The following MAGI1 variants were observed in gnomAD, a reference collection of about 807,000 sequenced individuals.
The protein encoded by MAGI1 is membrane associated guanylate kinase, WW and PDZ domain containing 1.
MAGI1 carries 58 observed loss-of-function variants against 139.9 expected under a neutral mutation model. The observed-to-expected ratio is 0.41, with a 90% CI of 0.34 to 0.52. The LOEUF (loss-of-function observed/expected upper bound fraction) is 0.52, where lower values mean the gene tolerates loss of function less well. MAGI1 is among the 20% of genes least tolerant of loss of function. The pLI is 0.12. For missense variants in MAGI1, 1,874 were observed against 1,901.6 expected, an observed-to-expected ratio of 0.99 and a Z score of 0.27; for synonymous variants, 812 against 737.9, an observed-to-expected ratio of 1.10 and a Z score of -1.63.
chr3:65,908,761 T>C (rs2061540396), intron 1 of MAGI1, among the ~76,000 whole-genome samples: 1 of 152,118 alleles, frequency 6.6e-6, no homozygotes, highest in Non-Finnish European at 1.5e-5. Context: ...AAAATGTGGA[T>C]CAGCCTTTCT....
intron 1 of MAGI1, among the ~76,000 whole-genome samples, chr3:65,992,173 G>T (rs1471385025): frequency 6.6e-6 from 1 of 152,148 alleles, no homozygotes; most frequent in Admixed American, 6.6e-5. Context: ...AGAAGTTGTA[G>T]GAGAATCAGA....
rs538396913 is a variant in MAGI1 at position 65,900,662 on chromosome 3, C to G, written c.313+137334G>C. Among the ~76,000 whole-genome samples the G allele has an allele frequency of 9.2e-5, 14 of 152,322 alleles. No individual in the cohort carries two copies. In the South Asian group the frequency reaches 2.7e-3, roughly 29 times the overall value. The stretch of plus-strand genomic sequence containing the variant: ...AAAAGGCAACTGTGGTGAACACCAC[C>G]AGGTTACCAGATGAATACCCTGTCT... On this transcript the variant is annotated intron_variant, in intron 1 of 22. Transcript: ENST00000402939.
chr3:65,570,073 C>CATTATT lies in MAGI1; in HGVS notation c.430+51893_430+51898dup, dbSNP rs57902043. Among the ~76,000 whole-genome samples the CATTATT allele has an allele frequency of 5.7e-3, 772 of 136,344 alleles. 2 individuals carry two copies. Among genetic ancestry groups the CATTATT allele is most frequent in the Middle Eastern group, 0.018 (5 of 272 alleles). The allele number at this position is 136,344 out of a possible 152,430, so 89.4% of individuals were successfully genotyped here. A position where few individuals can be genotyped will look rare whatever the true frequency, so the allele number is the denominator to read the frequency against. On this transcript the variant is annotated intron_variant, in intron 2 of 22. Transcript: ENST00000402939. The stretch of plus-strand genomic sequence containing the variant: ...CAGTGCTTCTTTCTTTCTTTATTAT[C>CATTATT]ATTATTATTATTATTATTATTATTA...
chr3:65,749,710 T>TCAA (rs67423926), intron 1 of MAGI1, among the ~76,000 whole-genome samples: 3 of 134,828 alleles, frequency 2.2e-5, no homozygotes, highest in Non-Finnish European at 4.7e-5. Flanking sequence ...TAGTCTGAGT[T>TCAA]AAAAAAAAAA....
At chr3:65,909,766 G>T (rs1400371494) in intron 1 of MAGI1, among the ~76,000 whole-genome samples, 2 of 152,108 alleles carry the variant, frequency 1.3e-5, no homozygotes, top group African/African-American at 4.8e-5. Context: ...TCAGGGATGT[G>T]GGGATTCCAA....
At position 65,943,882 on chromosome 3, in the gene MAGI1, A is replaced by G. The variant is rs1021635357; in HGVS notation, c.313+94114T>C. Among the ~76,000 whole-genome samples, 5 of 152,222 alleles carry G rather than the reference A, an allele frequency of 3.3e-5. No individual in the cohort carries two copies. The East Asian group carries it at 5.8e-4, about 18-fold the overall frequency. Reference sequence around the variant, plus strand: ...TTAACAACAGTACAAGTCATTAGATATCCTGCAATTAAGAAATATATTCAT... The same window carrying G: ...TTAACAACAGTACAAGTCATTAGATGTCCTGCAATTAAGAAATATATTCAT... On this transcript the variant is annotated intron_variant, in intron 1 of 22. Transcript: ENST00000402939.
At chr3:65,694,100 T>C (rs1366411940) in intron 1 of MAGI1, among the ~76,000 whole-genome samples, 1 of 151,968 alleles carries the variant, frequency 6.6e-6, no homozygotes, top group African/African-American at 2.4e-5. Flanking sequence ...AGAAAATCAA[T>C]AAAGATGAAA....
intron 1 of MAGI1, among the ~76,000 whole-genome samples, chr3:65,908,394 C>T (rs1456150836): frequency 6.6e-6 from 1 of 152,050 alleles, no homozygotes; most frequent in Non-Finnish European, 1.5e-5. Flanking sequence ...ACCTCCACCT[C>T]CCGGGTTCAA....
intron 1 of MAGI1, among the ~76,000 whole-genome samples, chr3:65,666,004 C>A (rs1016312237): frequency 6.6e-6 from 1 of 152,038 alleles, no homozygotes; most frequent in African/African-American, 2.4e-5. Context: ...CTTTTTTAAA[C>A]CATTAAGGAA....
intron 1 of MAGI1, among the ~76,000 whole-genome samples, chr3:65,983,026 C>G (rs1397344349): frequency 2.0e-5 from 3 of 152,148 alleles, no homozygotes; most frequent in African/African-American, 7.2e-5. Flanking sequence ...CTCAAGGGAT[C>G]CTTCTGCAGC....
chr3:65,505,056 T>A (rs533070216), intron 2 of MAGI1, among the ~76,000 whole-genome samples: 1 of 152,322 alleles, frequency 6.6e-6, no homozygotes, highest in South Asian at 2.1e-4. Flanking sequence ...GGCATTTTTG[T>A]TCCAAGAGGG....
At chr3:66,001,205 TAGGAATTGGTTC>T (rs2066720821) in intron 1 of MAGI1, among the ~76,000 whole-genome samples, 1 of 151,766 alleles carries the variant, frequency 6.6e-6, no homozygotes, top group South Asian at 2.1e-4. Flanking sequence ...GAAGAACAAG[TAGGAATTGGTTC>T]GATTAGGATG....
chr3:65,485,709 T>A (rs920614303), intron 3 of MAGI1, among the ~76,000 whole-genome samples: 1 of 152,226 alleles, frequency 6.6e-6, no homozygotes, highest in Non-Finnish European at 1.5e-5. Context: ...TCACTACGCA[T>A]ATATTCACTT....
chr3:65,830,400 T>C (rs2042459410), intron 1 of MAGI1, among the ~76,000 whole-genome samples: 1 of 151,756 alleles, frequency 6.6e-6, no homozygotes, highest in Non-Finnish European at 1.5e-5. Context: ...GGGGTAGCTA[T>C]AGCTGGCATA....
In MAGI1 at chr3:65,430,045, C is replaced by T. The variant is rs763107470; in HGVS notation, c.1642G>A (p.Val548Met). ...IFQSIPIGASVDLELCRGYPL... is the reference protein window; with the variant it reads ...IFQSIPIGASMDLELCRGYPL... ...TAACCTCGGCAGAGTTCAAGGTCCA[C>T]GCTGGCACCAATGGGGATGGACTGG... Residue 548 changes from valine (V) to methionine (M), a missense_variant, in exon 12 of 23, where the codon GTG becomes ATG. By Grantham distance (21) the Val-to-Met change is conservative. Coordinates refer to ENST00000402939, the MANE Select transcript of MAGI1 (RefSeq NM_001033057.2). 5 of 1,613,768 alleles carry T rather than the reference C, an allele frequency of 3.1e-6. No individual in the cohort carries two copies. The highest frequency in any genetic ancestry group is 4.2e-6 in the Non-Finnish European group (5 of 1,179,920).
At chr3:65,651,468 CT>C (rs1291361053) in intron 1 of MAGI1, among the ~76,000 whole-genome samples, 2 of 152,246 alleles carry the variant, frequency 1.3e-5, no homozygotes, top group East Asian at 3.9e-4. Context: ...CCAGGAAACA[CT>C]CAGTGCCTTG....
At chr3:65,974,580 C>G (rs2065174896) in intron 1 of MAGI1, among the ~76,000 whole-genome samples, 1 of 152,152 alleles carries the variant, frequency 6.6e-6, no homozygotes, top group Non-Finnish European at 1.5e-5. Context: ...ACTGGCCTAG[C>G]TGGGTGGTTC....
chr3:65,668,412 A>G (rs2086655104), intron 1 of MAGI1, among the ~76,000 whole-genome samples: 1 of 152,200 alleles, frequency 6.6e-6, no homozygotes, highest in East Asian at 1.9e-4. Context: ...TTATCAGCAT[A>G]CCACATAAAC....
intron 1 of MAGI1, among the ~76,000 whole-genome samples, chr3:65,990,717 T>C (rs1253672403): frequency 6.6e-6 from 1 of 152,230 alleles, no homozygotes; most frequent in Admixed American, 6.5e-5. Flanking sequence ...TAGGCCATTG[T>C]GCAGAAGAAC....
Sources: allele counts gnomAD v4.1 joint callset (sites outside exome capture counted in the v4.1 genomes callset), GRCh38; gene constraint gnomAD v4.1.1; transcripts MANE v1.5; gene names NCBI Gene and HGNC (gene_info 2026-07-23, HGNC 2026-07-21).